NOTCH1: variants seen among roughly 807,000 people sequenced by gnomAD.
NOTCH1 encodes the protein notch receptor 1.
A neutral mutation model predicts 254.8 loss-of-function variants in NOTCH1; 37 were observed. The ratio of observed to expected loss-of-function variants is 0.15; its 90% CI spans 0.11 to 0.19. The LOEUF is 0.19. Ranked by LOEUF, NOTCH1 falls within the 10% of genes least tolerant of loss-of-function variation. The pLI is 1.00. For missense variants in NOTCH1, 2,972 were observed against 3,708.6 expected (o/e 0.80, Z 5.16); for synonymous variants, 1,731 against 1,618.1 (o/e 1.07, Z -1.68).
At chr9:136,497,661 G>A (rs551037959) in intron 33 of NOTCH1, 103 bp from the exon 34 acceptor site, 248 of 977,168 alleles carry the variant, frequency 2.5e-4, no homozygotes, top group Non-Finnish European at 3.3e-4. Flanking sequence ...CCTCCTCCGC[G>A]GGGTGGGGGC....
chr9:136,513,378 C>G lies in NOTCH1; in HGVS notation c.2353+14G>C, dbSNP rs140288481. On this transcript the variant is annotated intron_variant, in intron 14 of 33. Coordinates refer to ENST00000651671, the MANE Select transcript of NOTCH1 (RefSeq NM_017617.5). This position sits in a 1 kb window ranked among gnomAD's most constrained non-coding sequence, Gnocchi z 4.7. ...GGGCGGCCCTCTGCACTGAGAAACGCGCAGCCCACTCACCGCTGAAGCCCT... is the reference window on the plus strand; with the variant it reads ...GGGCGGCCCTCTGCACTGAGAAACGGGCAGCCCACTCACCGCTGAAGCCCT... 6.8e-6 allele frequency: 11 copies of G among 1,612,718 alleles called. No individual in the cohort carries two copies. The South Asian group carries it at 1.1e-4, about 16-fold the overall frequency.
chr9:136,498,815 G>A (rs1842954271), intron 33 of NOTCH1, 84 bp downstream of exon 33: 3 of 1,500,744 alleles, frequency 2.0e-6, no homozygotes, highest in Non-Finnish European at 2.8e-6. Context: ...AGGCCCTTGT[G>A]TCCCTGCGCC....
rs989457617 is a variant in NOTCH1 at position 136,540,178 on chromosome 9, T to C, written c.140+3846A>G. On this transcript the variant is annotated intron_variant, in intron 2 of 33. Coordinates refer to ENST00000651671, the MANE Select transcript of NOTCH1 (RefSeq NM_017617.5). The surrounding 1 kb of genome is among the most constrained non-coding windows in gnomAD (Gnocchi z 4.4). ...CCACCGGGCCGGCACACCCCCAACA[T>C]GTCCCACATGTGAGCTAGGTGCCTC... Among the ~76,000 whole-genome samples the C allele has an allele frequency of 6.6e-6, 1 of 152,156 alleles. No homozygotes were observed. The highest frequency in any genetic ancestry group is 2.4e-5 in the African/African-American group (1 of 41,422).
chr9:136,504,158 G>C (rs1843040749), intron 26 of NOTCH1, among the ~76,000 whole-genome samples: 1 of 152,214 alleles, frequency 6.6e-6, no homozygotes, highest in South Asian at 2.1e-4. Context: ...CAGCCCTGTG[G>C]GAACCCCTGG....
chr9:136,521,894 C>T (rs1022801950), intron 4 of NOTCH1, among the ~76,000 whole-genome samples: 1 of 152,344 alleles, frequency 6.6e-6, no homozygotes, highest in African/African-American at 2.4e-5. Context: ...TCCAGCCCCA[C>T]CCCTGCCTGA....
chr9:136,541,953 G>A (rs538058261), intron 2 of NOTCH1, among the ~76,000 whole-genome samples: 29 of 152,348 alleles, frequency 1.9e-4, no homozygotes, highest in Middle Eastern at 3.4e-3. Flanking sequence ...AGGAGGGGGC[G>A]CCAGGCCCCA....
intron 27 of NOTCH1, 76 bp from the exon 28 acceptor site, chr9:136,502,564 G>A (rs1472162393): frequency 1.1e-5 from 10 of 945,762 alleles, no homozygotes; most frequent in Admixed American, 9.7e-5. Context: ...GCCGGGGGGC[G>A]GCGGACTGGC....
Position 136,500,825 on chromosome 9 carries a change from G to T in NOTCH1, c.5661C>A (p.Ile1887=), listed in dbSNP as rs750185397. Reference sequence around the variant, plus strand: ...CCAGGCCGCCCCCGCTGCAGGAGGCGATCATGAGCGGGGTGAAGCCATCTG... The same window carrying T: ...CCAGGCCGCCCCCGCTGCAGGAGGCTATCATGAGCGGGGTGAAGCCATCTG... The part of the protein sequence containing the change: ...RGPDGFTPLM[I]ASCSGGGLET... Residue 1887 remains isoleucine (I), a synonymous_variant, in exon 31 of 34, where the codon ATC becomes ATA. Transcript: ENST00000651671. 1 of 1,597,160 alleles carries T rather than the reference G, an allele frequency of 6.3e-7. No homozygotes were observed. Among genetic ancestry groups the T allele is most frequent in the East Asian group, 2.2e-5 (1 of 44,828 alleles).
intron 2 of NOTCH1, chr9:136,543,729 G>A (rs571092709): frequency 1.8e-6 from 1 of 546,992 alleles, no homozygotes; most frequent in East Asian, 3.2e-5. Context: ...ACTGTTTCTT[G>A]GGGACTTAAA....
intron 2 of NOTCH1, among the ~76,000 whole-genome samples, chr9:136,529,202 G>A (rs955016556): frequency 1.3e-5 from 2 of 152,232 alleles, no homozygotes; most frequent in Admixed American, 6.5e-5. Flanking sequence ...CAAGCAAATG[G>A]GGCCATATGT....
At chr9:136,512,378 CTGG>C (rs1225584094) in intron 15 of NOTCH1, among the ~76,000 whole-genome samples, 1 of 152,222 alleles carries the variant, frequency 6.6e-6, no homozygotes, top group Non-Finnish European at 1.5e-5. Context: ...CTGCCCGCTC[CTGG>C]GGAGCGCCAG....
chr9:136,494,609 GCCC>G lies in NOTCH1; in HGVS notation c.*1459_*1461del, dbSNP rs1408974470. On this transcript the variant is annotated 3_prime_UTR_variant, in exon 34 of 34. Transcript: ENST00000651671. ...AACATCTTGGGACGCATCTGGTCAT[GCCC>G]CCTGGGGATGGCACCACGCGGCCCC... 2.5e-6 allele frequency: 1 copy of G among 398,914 alleles called. No individual in the cohort carries two copies. Among genetic ancestry groups the G allele is most frequent in the Non-Finnish European group, 4.4e-6 (1 of 226,056 alleles). 24.7% of individuals were successfully genotyped at this position (398,914 alleles called of 1,614,324 possible).
chr9:136,507,559 G>T, intron 21 of NOTCH1, 122 bp from the exon 22 acceptor site: 3 of 1,373,642 alleles, frequency 2.2e-6, no homozygotes, highest in Non-Finnish European at 3.0e-6. Flanking sequence ...GCGAAGCCAC[G>T]GGCCCCTCGC....
chr9:136,524,159 C>T (rs903310197), intron 2 of NOTCH1, among the ~76,000 whole-genome samples, 180 bp from the exon 3 acceptor site: 2 of 152,210 alleles, frequency 1.3e-5, no homozygotes, highest in African/African-American at 4.8e-5. Flanking sequence ...AGACACATGC[C>T]GCGATTGCAC....
At chr9:136,542,507 T>C (rs977645594) in intron 2 of NOTCH1, among the ~76,000 whole-genome samples, 13 of 131,290 alleles carry the variant, frequency 9.9e-5, no homozygotes, top group Non-Finnish European at 6.1e-5. Context: ...CAAGCGTCCG[T>C]GCGGCTTCTG....
chr9:136,517,534 G>A (rs548900265), intron 8 of NOTCH1, 149 bp from the exon 9 acceptor site: 66 of 823,604 alleles, frequency 8.0e-5, no homozygotes, highest in Middle Eastern at 3.0e-4. Flanking sequence ...CCTGCAGCCC[G>A]TGGCCCCTGG....
At position 136,495,497 on chromosome 9, in the gene NOTCH1, T is replaced by C. The variant is rs1483001028; in HGVS notation, c.*574A>G. 5.0e-6 allele frequency: 2 copies of C among 399,502 alleles called. No individual in the cohort carries two copies. The highest frequency in any genetic ancestry group is 8.8e-6 in the Non-Finnish European group (2 of 226,640). 24.7% of individuals were successfully genotyped at this position (399,502 alleles called of 1,614,324 possible). ...GTTTCCTATTTCAGATGCAAATTAA[T>C]CCGCGTGCGGAAGGTGAGCCAGCTT... On this transcript the variant is annotated 3_prime_UTR_variant, in exon 34 of 34. Coordinates refer to ENST00000651671, the MANE Select transcript of NOTCH1 (RefSeq NM_017617.5).
chr9:136,529,213 G>T (rs148269222), intron 2 of NOTCH1, among the ~76,000 whole-genome samples: 1 of 152,228 alleles, frequency 6.6e-6, no homozygotes, highest in Non-Finnish European at 1.5e-5. Flanking sequence ...GGCCATATGT[G>T]GACTGGCTGG....
At position 136,510,670 on chromosome 9, in the gene NOTCH1, A is replaced by C. The variant is rs1375849495; in HGVS notation, c.2723T>G (p.Ile908Ser). The C allele has an allele frequency of 6.2e-7, 1 of 1,608,208 alleles. No individual in the cohort carries two copies. The highest frequency in any genetic ancestry group is 8.5e-7 in the Non-Finnish European group (1 of 1,179,406). The change falls in exon 17 of 34, where the codon ATC (isoleucine) becomes AGC (serine). Residue 908 changes from isoleucine (I) to serine (S), a missense_variant. Ile to Ser is a moderately radical substitution (Grantham distance 142). Transcript: ENST00000651671. ...CTACTCACTGGGCCGGCAGTCGTCG[A>C]TGTCGGTCTCGCAGTTGCGCCCACT... ...GYSGRNCETDIDDCRPNPCHN... is the reference protein window; with the variant it reads ...GYSGRNCETDSDDCRPNPCHN...
Sources: allele counts gnomAD v4.1 joint callset (sites outside exome capture counted in the v4.1 genomes callset), GRCh38; gene constraint gnomAD v4.1.1; non-coding constraint Gnocchi (gnomAD v3.1); transcripts MANE v1.5; gene names NCBI Gene and HGNC (gene_info 2026-07-23, HGNC 2026-07-21).